The following CSMD2 variants were observed in gnomAD, a reference collection of about 807,000 sequenced individuals.
The protein encoded by CSMD2 is CUB and sushi domain-containing protein 2.
Under a neutral mutation model 398.5 loss-of-function variants are expected in CSMD2, and 130 were observed. The observed-to-expected ratio is 0.33, with a 90% confidence interval of 0.28 to 0.38. The LOEUF (loss-of-function observed/expected upper bound fraction) is 0.38, where lower values mean the gene tolerates loss of function less well. Ranked by LOEUF, CSMD2 falls within the 10% of genes least tolerant of loss-of-function variation. The pLI is 1.00. For missense variants in CSMD2, 3,829 were observed against 4,764.9 expected (o/e 0.80, Z 5.78); for synonymous variants, 1,828 against 1,908.5 (o/e 0.96, Z 1.10).
At chr1:33,528,704 G>C (rs1654997079) in intron 64 of CSMD2, among the ~76,000 whole-genome samples, 1 of 152,198 alleles carries the variant, frequency 6.6e-6, no homozygotes. Flanking sequence ...GCAGAGAAAT[G>C]AAAGGGCTTG....
intron 6 of CSMD2, chr1:33,839,647 A>G (rs1345497167): frequency 6.6e-6 from 1 of 152,446 alleles, no homozygotes; most frequent in Admixed American, 6.5e-5. Context: ...TGGATGCAAT[A>G]GCTGTGCTGA....
intron 25 of CSMD2, among the ~76,000 whole-genome samples, chr1:33,671,358 C>G (rs533898507): frequency 3.3e-5 from 5 of 152,100 alleles, no homozygotes; most frequent in Non-Finnish European, 7.3e-5. Context: ...AGTCTAACTC[C>G]AGCAAGTATG....
chr1:33,775,200 A>C (rs796111129), intron 12 of CSMD2, among the ~76,000 whole-genome samples: 4 of 152,318 alleles, frequency 2.6e-5, no homozygotes, highest in African/African-American at 9.6e-5. Flanking sequence ...CATAAATCCA[A>C]TTCACAATGA....
Position 33,724,715 on chromosome 1 carries a change from G to C in CSMD2, c.2696-11C>G. ...ACTGCAGTGTTATAGCTGAAAGAGA[G>C]AGGCCACAGCTGGGACAGACAGCTT... On this transcript the variant is annotated splice_polypyrimidine_tract_variant and intron_variant, in intron 17 of 70. Transcript: ENST00000373381. 6.2e-7 allele frequency: 1 copy of C among 1,612,862 alleles called. No homozygotes were observed. Among genetic ancestry groups the C allele is most frequent in the Non-Finnish European group, 8.5e-7 (1 of 1,179,182 alleles).
intron 5 of CSMD2, among the ~76,000 whole-genome samples, chr1:33,887,999 A>G (rs1476660297): frequency 6.6e-6 from 1 of 151,252 alleles, no homozygotes; most frequent in Non-Finnish European, 1.5e-5. Flanking sequence ...GCAGTGACAA[A>G]TGGCCCTATT....
At chr1:34,148,963 G>A (rs1280238142) in intron 1 of CSMD2, among the ~76,000 whole-genome samples, 2 of 152,140 alleles carry the variant, frequency 1.3e-5, no homozygotes, top group African/African-American at 4.8e-5. Context: ...GAAGCCAAGG[G>A]TCTAGTGTTT....
rs956436711 is a variant in CSMD2, at chr1:33,652,219, G to A, written c.4586+104C>T. Reference sequence around the variant, plus strand: ...TCGGCTTCTTCACCTCCCTGGAGCTGAGAACTCTGCTACAGACCTGTGAAT... The same window carrying A: ...TCGGCTTCTTCACCTCCCTGGAGCTAAGAACTCTGCTACAGACCTGTGAAT... On this transcript the variant is annotated intron_variant, in intron 28 of 70. Coordinates refer to ENST00000373381, the MANE Select transcript of CSMD2 (RefSeq NM_001281956.2). 7.4e-6 allele frequency: 9 copies of A among 1,220,448 alleles called. No individual in the cohort carries two copies. In the South Asian group the frequency reaches 1.0e-4, roughly 14 times the overall value. 75.6% of individuals were successfully genotyped at this position (1,220,448 alleles called of 1,614,324 possible). A position where few individuals can be genotyped will look rare whatever the true frequency, so the allele number is the denominator to read the frequency against.
intron 3 of CSMD2, among the ~76,000 whole-genome samples, chr1:33,944,532 T>C (rs1053280874): frequency 6.6e-6 from 1 of 152,194 alleles, no homozygotes; most frequent in Non-Finnish European, 1.5e-5. Flanking sequence ...TTAGTCTTTA[T>C]AGCTAATCTT....
At chr1:33,727,643 C>T (rs1482075838) in intron 15 of CSMD2, among the ~76,000 whole-genome samples, 1 of 152,116 alleles carries the variant, frequency 6.6e-6, no homozygotes, top group Non-Finnish European at 1.5e-5. Flanking sequence ...CTTTTCCGGC[C>T]TCGGTAATTG....
intron 19 of CSMD2, among the ~76,000 whole-genome samples, chr1:33,721,506 G>A (rs539396142): frequency 6.6e-6 from 1 of 152,338 alleles, no homozygotes; most frequent in East Asian, 1.9e-4. Context: ...AATGACAGGG[G>A]TTGTTTCTCT....
At chr1:33,770,099 C>G (rs1309319217) in intron 13 of CSMD2, among the ~76,000 whole-genome samples, 1 of 152,200 alleles carries the variant, frequency 6.6e-6, no homozygotes, top group East Asian at 1.9e-4. Flanking sequence ...TGTAATGATC[C>G]ACTTTCAAAG....
chr1:33,984,157 C>T lies in CSMD2; in HGVS notation c.518-48203G>A, dbSNP rs560618510. On this transcript the variant is annotated intron_variant, in intron 3 of 70. Transcript: ENST00000373381. ...TGACAGAGCGAGACTCTGTCTCCCC[C>T]CACCAAAAAAAAAAAAGGACAAAAT... is the stretch of plus-strand genomic sequence containing the variant. 7.3e-4 allele frequency among the ~76,000 whole-genome samples: 73 copies of T among 99,410 alleles called. 1 individual carries two copies. The highest frequency in any genetic ancestry group is 4.1e-3 in the African/African-American group (70 of 17,100). 65.2% of individuals were successfully genotyped at this position (99,410 alleles called of 152,430 possible).
rs1428592457 is a variant in CSMD2 at position 33,732,008 on chromosome 1, G to A, written c.2369-5323C>T. On this transcript the variant is annotated intron_variant, in intron 15 of 70. Coordinates refer to ENST00000373381, the MANE Select transcript of CSMD2 (RefSeq NM_001281956.2). The stretch of plus-strand genomic sequence containing the variant: ...TATAATTGTTGAGGTTGACTGATAG[G>A]TACATGTGGGTTCATTATACTATTC... 2.0e-5 allele frequency among the ~76,000 whole-genome samples: 3 copies of A among 152,078 alleles called. No individual in the cohort carries two copies. The South Asian group carries it at 6.2e-4, about 32-fold the overall frequency.
At position 34,081,825 on chromosome 1, in the gene CSMD2, G is replaced by A. The variant is rs563663985; in HGVS notation, c.404+7152C>T. On this transcript the variant is annotated intron_variant, in intron 2 of 70. Transcript: ENST00000373381. The stretch of plus-strand genomic sequence containing the variant: ...GCCGCCTCTGCATGGCCGCCACCCC[G>A]TCTAGGAAGTGAGGAGCGTCTCTAA... Among the ~76,000 whole-genome samples the A allele has an allele frequency of 5.3e-5, 8 of 152,042 alleles. No individual in the cohort carries two copies. In the South Asian group the frequency reaches 8.3e-4, roughly 16 times the overall value.
chr1:33,888,894 A>G (rs1641787494), intron 5 of CSMD2, among the ~76,000 whole-genome samples: 1 of 152,028 alleles, frequency 6.6e-6, no homozygotes, highest in Non-Finnish European at 1.5e-5. Flanking sequence ...CAGCCTCCCT[A>G]GTAGCTGGGA....
chr1:33,756,049 A>G (rs1251354405), intron 13 of CSMD2, among the ~76,000 whole-genome samples: 1 of 152,076 alleles, frequency 6.6e-6, no homozygotes, highest in Non-Finnish European at 1.5e-5. Context: ...GTTCTTCCAT[A>G]ATACCTTCTC....
chr1:33,855,919 G>T (rs1243169310), intron 5 of CSMD2, among the ~76,000 whole-genome samples: 1 of 152,188 alleles, frequency 6.6e-6, no homozygotes, highest in African/African-American at 2.4e-5. Context: ...AGAAGCAATA[G>T]GTTTAAAAAG....
intron 15 of CSMD2, among the ~76,000 whole-genome samples, chr1:33,737,579 G>A (rs1481533149): frequency 6.6e-6 from 1 of 152,212 alleles, no homozygotes; most frequent in Non-Finnish European, 1.5e-5. Flanking sequence ...GAGAGGTCAA[G>A]TTACTTCCCC....
Position 33,698,854 on chromosome 1 carries a change from G to C in CSMD2, c.3824C>G (p.Ser1275Cys). The C allele has an allele frequency of 6.2e-7, 1 of 1,614,236 alleles. No individual in the cohort carries two copies. Among genetic ancestry groups the C allele is most frequent in the Non-Finnish European group, 8.5e-7 (1 of 1,180,044 alleles). The change falls in exon 24 of 71, where the codon TCC becomes TGC. Residue 1275 changes from serine (S) to cysteine (C), a missense_variant. Transcript: ENST00000373381. ...GCTGTATCCAGGGTCACAGCTGAAG[G>C]ACACGGAGCTCCCTGCAAAATGACC... is the stretch of plus-strand genomic sequence containing the variant. ...DEGHFAGSSV[S>C]FSCDPGYSLR...
Sources: allele counts gnomAD v4.1 joint callset (sites outside exome capture counted in the v4.1 genomes callset), GRCh38; gene constraint gnomAD v4.1.1; transcripts MANE v1.5; gene names NCBI Gene and HGNC (gene_info 2026-07-23, HGNC 2026-07-21).